Variants in FAM78B observed in about 807,000 individuals in gnomAD.
FAM78B encodes family with sequence similarity 78 member B, also known as protein FAM78B.
In FAM78B, 10 loss-of-function variants were observed where a neutral mutation model predicts 20.0. That is an observed-to-expected ratio of 0.50 (90% CI 0.31 to 0.85). The LOEUF (loss-of-function observed/expected upper bound fraction) is 0.85, where lower values mean the gene tolerates loss of function less well. Among genes scored for constraint, FAM78B ranks in the 40% least tolerant of loss-of-function variants. FAM78B has a pLI of 0.05. For synonymous variants in FAM78B, 135 were observed against 132.8 expected (o/e 1.02, Z -0.12); for missense variants, 283 against 345.0 (o/e 0.82, Z 1.42).
At chr1:166,064,623 C>T (rs1651733043), downstream of FAM78B, among the ~76,000 whole-genome samples, 1 of 152,178 alleles carries the variant, frequency 6.6e-6, no homozygotes, top group African/African-American at 2.4e-5. Flanking sequence ...GGAAATGGGA[C>T]CCACTCTCCG....
intron 1 of FAM78B, among the ~76,000 whole-genome samples, chr1:166,141,519 G>C (rs940103748): frequency 2.0e-5 from 3 of 152,214 alleles, no homozygotes; most frequent in Non-Finnish European, 2.9e-5. Context: ...TTGTAACTGA[G>C]TGTTTACTAT....
chr1:166,072,795 C>T (rs1215113471), intron 1 of FAM78B, among the ~76,000 whole-genome samples: 1 of 152,236 alleles, frequency 6.6e-6, no homozygotes, highest in Non-Finnish European at 1.5e-5. Flanking sequence ...TCCCCCGCTA[C>T]ACACAGGGCT....
intron 1 of FAM78B, among the ~76,000 whole-genome samples, chr1:166,160,875 T>C (rs1300299873): frequency 6.6e-6 from 1 of 152,212 alleles, no homozygotes; most frequent in Non-Finnish European, 1.5e-5. Context: ...ATATTCTTAG[T>C]AATGGTAACC....
chr1:166,059,862 T>C (rs887633690), exon 3 of FAM78B: 1 of 152,222 alleles, frequency 6.6e-6, no homozygotes, highest in African/African-American at 2.4e-5. Flanking sequence ...CGCTGTGCTC[T>C]ATGGGCCCAG....
At chr1:166,116,584 T>C (rs575921287) in intron 1 of FAM78B, among the ~76,000 whole-genome samples, 12 of 152,216 alleles carry the variant, frequency 7.9e-5, no homozygotes, top group Non-Finnish European at 1.3e-4. Context: ...GATTGCAGCA[T>C]GATCCACCTG....
chr1:166,069,956 T>A lies in FAM78B; in HGVS notation c.*285A>T, dbSNP rs1043936905. On this transcript the variant is annotated 3_prime_UTR_variant, in exon 2 of 2. Transcript: ENST00000354422. ...GGAAAGAAATGGTCAATAGTTCAGA[T>A]AAAAGAATCATCCTGGTCAGCTCCA... is the stretch of plus-strand genomic sequence containing the variant. The A allele has an allele frequency of 8.8e-7, 1 of 1,130,834 alleles. No homozygotes were observed. The highest frequency in any genetic ancestry group is 1.6e-5 in the African/African-American group (1 of 62,352). 70.1% of individuals were successfully genotyped at this position (1,130,834 alleles called of 1,614,324 possible).
exon 3 of FAM78B, chr1:166,060,574 T>C: frequency 3.1e-6 from 4 of 1,285,040 alleles, no homozygotes; most frequent in Non-Finnish European, 4.1e-6. Flanking sequence ...GGATTCAGCT[T>C]CTGGAGCCGC....
chr1:166,074,869 A>ATTTGGAGACACAGACAACC (rs1335492434), intron 1 of FAM78B, among the ~76,000 whole-genome samples: 1 of 152,226 alleles, frequency 6.6e-6, no homozygotes, highest in Non-Finnish European at 1.5e-5. Flanking sequence ...TGATACAGCA[A>ATTTGGAGACACAGACAACC]TTTGGAGACA....
At chr1:166,165,846 G>A (rs1301934487) in intron 1 of FAM78B, 140 bp downstream of exon 1, 32 of 923,356 alleles carry the variant, frequency 3.5e-5, no homozygotes, top group Non-Finnish European at 4.7e-5. Flanking sequence ...TAGGGAGGAG[G>A]GAGGTGGGAG....
chr1:166,157,031 G>T (rs1325326645), intron 1 of FAM78B, among the ~76,000 whole-genome samples: 29 of 24,920 alleles, frequency 1.2e-3, no homozygotes, highest in African/African-American at 4.1e-3. Context: ...TCAAGGGGGC[G>T]GCGGAGGGGG....
chr1:166,153,210 G>T (rs1015861072), intron 1 of FAM78B, among the ~76,000 whole-genome samples: 1 of 152,218 alleles, frequency 6.6e-6, no homozygotes, highest in Admixed American at 6.5e-5. Flanking sequence ...GAACAGCTTT[G>T]CTCTTCCAGC....
chr1:166,064,013 G>A (rs560887626), intron 2 of FAM78B, among the ~76,000 whole-genome samples: 39 of 152,290 alleles, frequency 2.6e-4, no homozygotes, highest in Middle Eastern at 3.4e-3. Flanking sequence ...TCTCTTAGGG[G>A]CCATTCCCAG....
intron 1 of FAM78B, among the ~76,000 whole-genome samples, chr1:166,108,062 C>A (rs1421740019): frequency 1.3e-5 from 2 of 152,142 alleles, no homozygotes; most frequent in African/African-American, 4.8e-5. Context: ...AGGTCGAAAG[C>A]ATTCCCTCTG....
chr1:166,092,488 C>A (rs1241472727), intron 1 of FAM78B, among the ~76,000 whole-genome samples: 1 of 152,198 alleles, frequency 6.6e-6, no homozygotes, highest in Non-Finnish European at 1.5e-5. Context: ...TCTGTAGGCC[C>A]CTTGCTGTGG....
At position 166,147,791 on chromosome 1, in the gene FAM78B, C is replaced by A. The variant is rs377025372; in HGVS notation, c.263+18195G>T. On this transcript the variant is annotated intron_variant, in intron 1 of 1. Transcript: ENST00000354422. ...GGACTTCAGGTGCACACCACCATAC[C>A]CCAGGCTAATTTTTGCATTTTTTGT... is the stretch of plus-strand genomic sequence containing the variant. 5.6e-4 allele frequency: 85 copies of A among 152,138 alleles called. 1 individual carries two copies. The South Asian group carries it at 0.018, about 32-fold the overall frequency. 9.4% of individuals were successfully genotyped at this position (152,138 alleles called of 1,614,324 possible). A position where few individuals can be genotyped will look rare whatever the true frequency, so the allele number is the denominator to read the frequency against.
At chr1:166,161,041 G>C (rs954900525) in intron 1 of FAM78B, among the ~76,000 whole-genome samples, 5 of 152,246 alleles carry the variant, frequency 3.3e-5, no homozygotes, top group Admixed American at 2.6e-4. Flanking sequence ...ATTTCAGATG[G>C]AGAGCGGCAT....
intron 1 of FAM78B, among the ~76,000 whole-genome samples, chr1:166,100,127 A>G (rs1653452709): frequency 6.6e-6 from 1 of 152,234 alleles, no homozygotes; most frequent in Non-Finnish European, 1.5e-5. Flanking sequence ...CCATCCAAAT[A>G]CATGGAAATT....
chr1:166,165,928 T>G, intron 1 of FAM78B, 58 bp downstream of exon 1: 1 of 1,606,690 alleles, frequency 6.2e-7, no homozygotes. Context: ...GGGGTCAAGG[T>G]GGCAAGCAGA....
intron 1 of FAM78B, among the ~76,000 whole-genome samples, chr1:166,145,603 A>G (rs190932491): frequency 6.6e-6 from 1 of 152,242 alleles, no homozygotes; most frequent in African/African-American, 2.4e-5. Context: ...TAGGACTCTA[A>G]GACAGGCCAC....
Sources: allele counts gnomAD v4.1 joint callset (sites outside exome capture counted in the v4.1 genomes callset), GRCh38; gene constraint gnomAD v4.1.1; transcripts MANE v1.5; gene names NCBI Gene and HGNC (gene_info 2026-07-23, HGNC 2026-07-21).